Variants in PDE4D observed in about 807,000 individuals in gnomAD.
PDE4D encodes the protein 3',5'-cyclic-AMP phosphodiesterase 4D.
Under a neutral mutation model 87.4 loss-of-function variants are expected in PDE4D, and 24 were observed. That is an observed-to-expected ratio of 0.27 (90% CI 0.20 to 0.39). PDE4D has a LOEUF of 0.39. PDE4D is among the 10% of genes least tolerant of loss of function. The pLI is 1.00. For missense variants in PDE4D, 714 were observed against 1,041.0 expected, an observed-to-expected ratio of 0.69 and a Z score of 4.32; for synonymous variants, 384 against 383.2, an observed-to-expected ratio of 1.00 and a Z score of -0.02.
At chr5:60,301,689 C>A (rs1583348515) in intron 1 of PDE4D, among the ~76,000 whole-genome samples, 1 of 152,168 alleles carries the variant, frequency 6.6e-6, no homozygotes, top group Non-Finnish European at 1.5e-5. Flanking sequence ...ATTTGAATAC[C>A]CTTTATTTCT....
intron 1 of PDE4D, among the ~76,000 whole-genome samples, chr5:59,807,763 A>G (rs558232438): frequency 3.3e-5 from 5 of 152,348 alleles, no homozygotes; most frequent in South Asian, 4.1e-4. Flanking sequence ...TTGTCAAGGA[A>G]GTAGGCCAGA....
At chr5:60,106,150 A>G (rs1776884193) in intron 2 of PDE4D, among the ~76,000 whole-genome samples, 1 of 151,782 alleles carries the variant, frequency 6.6e-6, no homozygotes, top group East Asian at 1.9e-4. Context: ...TCAAAATAAA[A>G]GGATGGAGGA....
At chr5:59,146,480 G>A (rs1778675125) in intron 5 of PDE4D, among the ~76,000 whole-genome samples, 1 of 152,008 alleles carries the variant, frequency 6.6e-6, no homozygotes, top group South Asian at 2.1e-4. Flanking sequence ...AGGTATGATG[G>A]AAGTGCCACA....
intron 5 of PDE4D, 78 bp downstream of exon 5, chr5:59,180,517 G>T: frequency 1.9e-6 from 2 of 1,061,134 alleles, no homozygotes; most frequent in South Asian, 2.6e-5. Context: ...CATGAAATTG[G>T]TGTTGGTGTT....
chr5:59,046,419 A>AGT (rs751262478), intron 5 of PDE4D, among the ~76,000 whole-genome samples: 7 of 129,708 alleles, frequency 5.4e-5, no homozygotes, highest in African/African-American at 1.9e-4. Context: ...AGAGAGAGAG[A>AGT]ATGTGTGTGT....
At chr5:60,519,205 T>C (rs1750932018) in intron 1 of PDE4D, among the ~76,000 whole-genome samples, 1 of 152,268 alleles carries the variant, frequency 6.6e-6, no homozygotes, top group Non-Finnish European at 1.5e-5. Context: ...TTATGTGATG[T>C]GCACAGTCGT....
At chr5:59,364,012 A>G (rs1199198110) in intron 1 of PDE4D, among the ~76,000 whole-genome samples, 1 of 152,218 alleles carries the variant, frequency 6.6e-6, no homozygotes, top group African/African-American at 2.4e-5. Context: ...AGTCCATCCA[A>G]CCAAAGGTAA....
intron 1 of PDE4D, among the ~76,000 whole-genome samples, chr5:59,546,299 G>C (rs1817254463): frequency 6.6e-6 from 1 of 151,938 alleles, no homozygotes; most frequent in Non-Finnish European, 1.5e-5. Flanking sequence ...TATGAGGAGG[G>C]GACCCACAAA....
chr5:59,497,484 A>C (rs1391950963), intron 1 of PDE4D, among the ~76,000 whole-genome samples: 2 of 152,104 alleles, frequency 1.3e-5, no homozygotes, highest in East Asian at 3.9e-4. Flanking sequence ...AGCTATATTA[A>C]GAAAGAACCA....
intron 1 of PDE4D, among the ~76,000 whole-genome samples, chr5:59,892,185 C>G (rs916121046): frequency 6.6e-6 from 1 of 152,150 alleles, no homozygotes; most frequent in South Asian, 2.1e-4. Flanking sequence ...TCCACCTCCA[C>G]GCCTGAGTTA....
chr5:60,143,822 C>G (rs1347532219), intron 2 of PDE4D, among the ~76,000 whole-genome samples: 2 of 152,020 alleles, frequency 1.3e-5, no homozygotes, highest in Admixed American at 1.3e-4. Flanking sequence ...AAATTAGACA[C>G]ATAAGATCCC....
At chr5:60,103,398 A>G (rs928974071) in intron 2 of PDE4D, among the ~76,000 whole-genome samples, 7 of 152,186 alleles carry the variant, frequency 4.6e-5, no homozygotes, top group Non-Finnish European at 1.0e-4. Context: ...AGGACACAAG[A>G]GATGAACTAT....
intron 1 of PDE4D, among the ~76,000 whole-genome samples, chr5:60,442,453 C>A (rs1422144228): frequency 6.6e-6 from 1 of 151,344 alleles, no homozygotes; most frequent in African/African-American, 2.4e-5. Context: ...GGTGGGGGGA[C>A]TAGGGGAGGG....
At chr5:60,461,571 A>G (rs1197675595) in intron 1 of PDE4D, among the ~76,000 whole-genome samples, 1 of 152,266 alleles carries the variant, frequency 6.6e-6, no homozygotes, top group Non-Finnish European at 1.5e-5. Flanking sequence ...CTGTAATCAC[A>G]TCAGAGGAAA....
At chr5:59,840,048 C>G (rs1217815730) in intron 1 of PDE4D, among the ~76,000 whole-genome samples, 1 of 151,936 alleles carries the variant, frequency 6.6e-6, no homozygotes, top group African/African-American at 2.4e-5. Context: ...CCAACACTTT[C>G]CCCCTCTGAG....
chr5:59,257,880 G>A (rs890949808), intron 1 of PDE4D, among the ~76,000 whole-genome samples: 5 of 151,732 alleles, frequency 3.3e-5, no homozygotes, highest in Admixed American at 1.3e-4. Context: ...CTCTGACCTC[G>A]GCTCACCAAG....
intron 1 of PDE4D, among the ~76,000 whole-genome samples, chr5:59,432,526 T>C (rs1562178403): frequency 6.6e-6 from 1 of 152,146 alleles, no homozygotes; most frequent in Non-Finnish European, 1.5e-5. Context: ...TAATAGGCTA[T>C]GGCAGTTCAT....
intron 1 of PDE4D, among the ~76,000 whole-genome samples, chr5:59,253,268 C>T (rs945372293): frequency 3.3e-5 from 5 of 151,858 alleles, no homozygotes; most frequent in African/African-American, 9.7e-5. Flanking sequence ...AATAGTGCTG[C>T]CAAAGGAAAA....
chr5:59,745,683 C>T (rs1759501520), intron 1 of PDE4D, among the ~76,000 whole-genome samples: 1 of 152,076 alleles, frequency 6.6e-6, no homozygotes, highest in Non-Finnish European at 1.5e-5. Flanking sequence ...ACCAATCAAT[C>T]ACAGCAAGAG....
Sources: gnomAD v4.1 joint callset for allele counts (sites outside exome capture counted in the v4.1 genomes callset) on GRCh38, gnomAD v4.1.1 for gene constraint, MANE v1.5 for transcripts, NCBI Gene and HGNC (gene_info 2026-07-23, HGNC 2026-07-21) for gene names.